Variants in TMEM161B observed in about 807,000 individuals in gnomAD.
The protein encoded by TMEM161B is transmembrane protein 161B.
Under a neutral mutation model 61.8 loss-of-function variants are expected in TMEM161B, and 34 were observed. That is an observed-to-expected ratio of 0.55 (90% CI 0.42 to 0.73). The LOEUF (loss-of-function observed/expected upper bound fraction) is 0.73. Among genes scored for constraint, TMEM161B ranks in the 30% least tolerant of loss-of-function variants. The pLI is 0.00. For synonymous variants in TMEM161B, 167 were observed against 192.8 expected, an observed-to-expected ratio of 0.87 and a Z score of 1.11; for missense variants, 456 against 558.5, an observed-to-expected ratio of 0.82 and a Z score of 1.85.
At chr5:88,253,512 G>T (rs974939793) in intron 1 of TMEM161B, among the ~76,000 whole-genome samples, 1 of 152,098 alleles carries the variant, frequency 6.6e-6, no homozygotes, top group Non-Finnish European at 1.5e-5. Flanking sequence ...ATACCTACCC[G>T]TACAAAGACA....
chr5:88,200,377 AC>A (rs1262628191), intron 9 of TMEM161B: 2 of 152,122 alleles, frequency 1.3e-5, no homozygotes, highest in African/African-American at 4.8e-5. Flanking sequence ...GAGTAACAGT[AC>A]GTAAGACACA....
chr5:88,222,269 A>G (rs1468020864), intron 4 of TMEM161B, among the ~76,000 whole-genome samples: 2 of 151,992 alleles, frequency 1.3e-5, no homozygotes, highest in East Asian at 1.9e-4. Flanking sequence ...TGGTTTCACT[A>G]TATTGCCCAG....
At chr5:88,267,297 A>T (rs996192799) in intron 1 of TMEM161B, among the ~76,000 whole-genome samples, 5 of 152,170 alleles carry the variant, frequency 3.3e-5, no homozygotes, top group Non-Finnish European at 5.9e-5. Flanking sequence ...TTTCACTGAT[A>T]CAAAAGAAAA....
chr5:88,196,538 G>A lies in TMEM161B; in HGVS notation c.1187-50C>T, dbSNP rs373782492. On this transcript the variant is annotated intron_variant, in intron 11 of 11. Coordinates refer to ENST00000296595, the MANE Select transcript of TMEM161B (RefSeq NM_153354.5). The stretch of plus-strand genomic sequence containing the variant: ...AATTTGAAGAGTAACTAATTACCAA[G>A]CTTTTTATTAAAAAAAAATCTTCCT... The A allele has an allele frequency of 5.5e-4, 823 of 1,489,968 alleles. 1 individual carries two copies. Among genetic ancestry groups the A allele is most frequent in the Non-Finnish European group, 6.5e-4 (725 of 1,123,178 alleles). 92.3% of individuals were successfully genotyped at this position (1,489,968 alleles called of 1,614,324 possible).
chr5:88,206,328 G>A, intron 7 of TMEM161B, 111 bp downstream of exon 7: 1 of 854,400 alleles, frequency 1.2e-6, no homozygotes, highest in South Asian at 1.9e-5. Flanking sequence ...AGAAGTGACA[G>A]TCCAACTTAA....
chr5:88,225,993 T>C (rs1749994347), intron 3 of TMEM161B, 127 bp from the exon 4 acceptor site: 5 of 584,060 alleles, frequency 8.6e-6, no homozygotes, highest in East Asian at 2.9e-5. Context: ...TAATATTTCA[T>C]CAATAAGGAG....
At chr5:88,245,821 A>G (rs1753527943) in intron 1 of TMEM161B, among the ~76,000 whole-genome samples, 1 of 152,018 alleles carries the variant, frequency 6.6e-6, no homozygotes, top group African/African-American at 2.4e-5. Context: ...ATGTTAAGGC[A>G]AAAACAAACA....
At chr5:88,211,447 G>C (rs1311346747) in intron 5 of TMEM161B, among the ~76,000 whole-genome samples, 2 of 151,200 alleles carry the variant, frequency 1.3e-5, no homozygotes, top group Non-Finnish European at 2.9e-5. Flanking sequence ...CCATCAAGCA[G>C]AACAAAAAGA....
chr5:88,234,971 A>C (rs1214104070), intron 2 of TMEM161B, among the ~76,000 whole-genome samples: 1 of 152,142 alleles, frequency 6.6e-6, no homozygotes, highest in Non-Finnish European at 1.5e-5. Flanking sequence ...TACTTTGGCT[A>C]CTTGGTGGCT....
intron 1 of TMEM161B, among the ~76,000 whole-genome samples, chr5:88,267,770 G>A (rs1756593987): frequency 6.6e-6 from 1 of 152,056 alleles, no homozygotes; most frequent in Non-Finnish European, 1.5e-5. Context: ...CTATAACAAG[G>A]CCATAACTAG....
chr5:88,222,948 A>T (rs1162069733), intron 4 of TMEM161B, among the ~76,000 whole-genome samples: 1 of 152,014 alleles, frequency 6.6e-6, no homozygotes, highest in Admixed American at 6.5e-5. Context: ...TGCATTCACA[A>T]ATGACTACAA....
intron 5 of TMEM161B, among the ~76,000 whole-genome samples, chr5:88,219,622 G>A (rs1451373817): frequency 6.6e-6 from 1 of 152,078 alleles, no homozygotes; most frequent in Non-Finnish European, 1.5e-5. Context: ...TGTACAAGGC[G>A]AAGGATAGGT....
rs552869320 is a variant in TMEM161B at position 88,216,176 on chromosome 5, C to T, written c.446+4387G>A. Among the ~76,000 whole-genome samples, 78 of 152,134 alleles carry T rather than the reference C, an allele frequency of 5.1e-4. No individual in the cohort carries two copies. In the Middle Eastern group the frequency reaches 0.027, roughly 53 times the overall value. ...CAGGAGGATCACTTGAGCCCAGGAG[C>T]TCAAGGATACAGTGAGTTAGGACTG... On this transcript the variant is annotated intron_variant, in intron 5 of 11. Transcript: ENST00000296595.
Position 88,198,996 on chromosome 5 carries a change from T to C in TMEM161B, c.1069A>G (p.Thr357Ala), listed in dbSNP as rs1217472617. The stretch of plus-strand genomic sequence containing the variant: ...CTTACCATTTTCTGTAGCTCAACCG[T>C]GCTTATTCGCCCCGCTTCTTTCTTC... ...QMKKEAGRIS[T>A]VELQKMVARV... is the part of the protein sequence containing the mutation. Residue 357 changes from threonine (T) to alanine (A), a missense_variant, in exon 10 of 12, where the codon ACG (threonine) becomes GCG (alanine). This residue lies in a region of TMEM161B where 367 missense variants were observed against 427.3 expected (regional missense o/e 0.86). Coordinates refer to ENST00000296595, the MANE Select transcript of TMEM161B (RefSeq NM_153354.5). The C allele has an allele frequency of 6.2e-7, 1 of 1,612,892 alleles. No homozygotes were observed. Among genetic ancestry groups the C allele is most frequent in the Non-Finnish European group, 8.5e-7 (1 of 1,179,322 alleles).
Position 88,261,597 on chromosome 5 carries a change from A to C in TMEM161B, c.3+7124T>G, listed in dbSNP as rs146233938. Among the ~76,000 whole-genome samples, 830 of 151,910 alleles carry C rather than the reference A, an allele frequency of 5.5e-3. 11 individuals are homozygous for C. Among genetic ancestry groups the C allele is most frequent in the Non-Finnish European group, 7.7e-3 (523 of 67,914 alleles). On this transcript the variant is annotated intron_variant, in intron 1 of 11. Transcript: ENST00000296595. Reference sequence around the variant, plus strand: ...AGAAATAAACAGATCAACAGAATAGAATAGAGGGGCCAGAAATAGACCCAC... The same window carrying C: ...AGAAATAAACAGATCAACAGAATAGCATAGAGGGGCCAGAAATAGACCCAC...
chr5:88,200,621 T>C, intron 9 of TMEM161B: 1 of 152,274 alleles, frequency 6.6e-6, no homozygotes, highest in Admixed American at 6.5e-5. Context: ...TAGTACTTTC[T>C]AATTAGATTA....
chr5:88,204,033 A>G (rs1744974943), intron 8 of TMEM161B, among the ~76,000 whole-genome samples: 1 of 151,994 alleles, frequency 6.6e-6, no homozygotes, highest in African/African-American at 2.4e-5. Context: ...TGGAGGGTTC[A>G]AAATACACAC....
downstream of TMEM161B, among the ~76,000 whole-genome samples, chr5:88,190,870 T>C (rs927942550): frequency 6.6e-6 from 1 of 152,252 alleles, no homozygotes; most frequent in African/African-American, 2.4e-5. Flanking sequence ...GATTCTTTTA[T>C]GGATTATCTT....
chr5:88,196,592 G>T, intron 11 of TMEM161B, 104 bp from the exon 12 acceptor site: 1 of 1,118,680 alleles, frequency 8.9e-7, no homozygotes, highest in Non-Finnish European at 1.2e-6. Flanking sequence ...ATGTTTAGTG[G>T]CACAGTACAT....
Sources: gnomAD v4.1 joint callset for allele counts (sites outside exome capture counted in the v4.1 genomes callset) on GRCh38, gnomAD v4.1.1 for gene constraint, gnomAD v4.1.1 regional missense constraint, MANE v1.5 for transcripts, NCBI Gene and HGNC (gene_info 2026-07-23, HGNC 2026-07-21) for gene names.